Variants in ABCB9 observed in about 807,000 individuals in gnomAD.
ABCB9 encodes ATP binding cassette subfamily B member 9.
In ABCB9, 36 loss-of-function variants were observed where a neutral mutation model predicts 62.0. The ratio of observed to expected loss-of-function variants is 0.58; its 90% CI spans 0.45 to 0.77. The LOEUF is 0.77. Ranked by LOEUF, ABCB9 falls within the 30% of genes least tolerant of loss-of-function variation. The pLI is 0.00. For synonymous variants in ABCB9, 435 were observed against 461.4 expected, an observed-to-expected ratio of 0.94 and a Z score of 0.73; for missense variants, 943 against 1,054.7, an observed-to-expected ratio of 0.89 and a Z score of 1.47.
intron 2 of ABCB9, among the ~76,000 whole-genome samples, chr12:122,958,124 C>T (rs1306588865): frequency 1.4e-5 from 2 of 140,014 alleles, no homozygotes; most frequent in Non-Finnish European, 3.0e-5. Context: ...GAGCCAAGAT[C>T]GCACCACTGC....
rs2036771988 is a variant in ABCB9, at chr12:122,959,410, T to C, written c.601+225A>G. On this transcript the variant is annotated intron_variant, in intron 2 of 11. Transcript: ENST00000280560. This position sits in a 1 kb window ranked among gnomAD's most constrained non-coding sequence, Gnocchi z 5.4. ...AAATAAAATAGAAATGGGTTCTCGC[T>C]ATGTTGCCCAGGCTGGTTTTCAACT... Among the ~76,000 whole-genome samples, 1 of 151,498 alleles carries C rather than the reference T, an allele frequency of 6.6e-6. No individual in the cohort carries two copies. The highest frequency in any genetic ancestry group is 1.5e-5 in the Non-Finnish European group (1 of 67,850).
intron 1 of ABCB9, among the ~76,000 whole-genome samples, chr12:122,963,106 T>C (rs1024653603): frequency 3.9e-5 from 6 of 152,178 alleles, no homozygotes; most frequent in Admixed American, 3.9e-4. Context: ...GATTCCAGCC[T>C]GGGCAACATG....
chr12:122,949,044 G>A (rs537164542), intron 4 of ABCB9: 21 of 449,648 alleles, frequency 4.7e-5, no homozygotes, highest in African/African-American at 3.4e-4. Flanking sequence ...ATGACATCCC[G>A]CTGTACAGCG....
chr12:122,957,059 T>C (rs1566189908), intron 2 of ABCB9, among the ~76,000 whole-genome samples: 4 of 151,690 alleles, frequency 2.6e-5, no homozygotes, highest in African/African-American at 4.9e-5. Context: ...TTTTCTTTGG[T>C]AGAGACAGGT....
chr12:122,945,738 C>T (rs911605139), intron 6 of ABCB9, among the ~76,000 whole-genome samples: 4 of 152,042 alleles, frequency 2.6e-5, no homozygotes, highest in Non-Finnish European at 5.9e-5. Flanking sequence ...ATTAGCCAGG[C>T]ATGGTGGCGG....
In ABCB9 at chr12:122,959,662, A is replaced by G. The variant is rs774327926; in HGVS notation, c.574T>C (p.Ser192Pro). 1.9e-6 allele frequency: 3 copies of G among 1,573,030 alleles called. No individual in the cohort carries two copies. Among genetic ancestry groups the G allele is most frequent in the Non-Finnish European group, 2.6e-6 (3 of 1,154,602 alleles). ...AGAGCTGCCACGATGAGGAAGAAGG[A>G]GGCGGCCACGAGGAAGGCCACGTCG... Reference protein sequence around the residue: ...KPDVAFLVAASFFLIVAALGE... With the variant: ...KPDVAFLVAAPFFLIVAALGE... The change falls in exon 2 of 12, where the codon TCC (serine) becomes CCC (proline). Residue 192 changes from serine to proline, a missense_variant. Coordinates refer to ENST00000280560, the MANE Select transcript of ABCB9 (RefSeq NM_019625.4). The surrounding 1 kb of genome is among the most constrained non-coding windows in gnomAD (Gnocchi z 5.4).
At position 122,940,916 on chromosome 12, in the gene ABCB9, G is replaced by A. The variant is rs757927089; in HGVS notation, c.1460C>T (p.Pro487Leu). 14 of 1,612,198 alleles carry A rather than the reference G, an allele frequency of 8.7e-6. No individual in the cohort carries two copies. Among genetic ancestry groups the A allele is most frequent in the East Asian group, 4.5e-5 (2 of 44,824 alleles). ...CAAGCTGCCATCGTGCACCATGGTC[G>A]GCTGCCGGTCGATGAACTCGAACAC... The part of the protein sequence containing the change: ...EKVFEFIDRQ[P>L]TMVHDGSLAP... The change falls in exon 8 of 12, where the codon CCG (proline) becomes CTG (leucine). Residue 487 changes from proline (P) to leucine (L), a missense_variant. Transcript: ENST00000280560. The surrounding 1 kb of genome is among the most constrained non-coding windows in gnomAD (Gnocchi z 4.8).
At position 122,963,534 on chromosome 12, in the gene ABCB9, T is replaced by C. The variant is rs569972601; in HGVS notation, c.-88+2753A>G. ...AACAGAGAGATTAAGTGACCTGCCC[T>C]GGGTCACAGAGCTAGGTGACCCACA... On this transcript the variant is annotated intron_variant, in intron 1 of 11. Transcript: ENST00000280560. 4.6e-5 allele frequency among the ~76,000 whole-genome samples: 7 copies of C among 152,240 alleles called. No individual in the cohort carries two copies. The South Asian group carries it at 1.2e-3, about 27-fold the overall frequency.
rs1171691140 is a variant in ABCB9, at chr12:122,947,430, G to C, written c.1053+1194C>G. ...GGCTTCCTTTGCTACCCTGGTCTCA[G>C]GTCACCAACACCAAAGGCTCCAATG... On this transcript the variant is annotated intron_variant, in intron 5 of 11. Coordinates refer to ENST00000280560, the MANE Select transcript of ABCB9 (RefSeq NM_019625.4). This position sits in a 1 kb window ranked among gnomAD's most constrained non-coding sequence, Gnocchi z 6.0. 9.0e-6 allele frequency: 4 copies of C among 445,562 alleles called. No homozygotes were observed. The highest frequency in any genetic ancestry group is 1.8e-5 in the Non-Finnish European group (4 of 220,918). The allele number at this position is 445,562 out of a possible 1,614,324, so 27.6% of individuals were successfully genotyped here. A position where few individuals can be genotyped will look rare whatever the true frequency, so the allele number is the denominator to read the frequency against.
At position 122,949,874 on chromosome 12, in the gene ABCB9, A is replaced by T; in HGVS notation, c.761T>A (p.Phe254Tyr). 3 of 1,614,178 alleles carry T rather than the reference A, an allele frequency of 1.9e-6. No homozygotes were observed. The highest frequency in any genetic ancestry group is 2.5e-6 in the Non-Finnish European group (3 of 1,180,004). ...GIRGGIFTLI[F>Y]ARLNIRLRNC... ...TCGAAGGCGAATGTTCAGTCTGGCAAATATGAGGGTAAAAATGCCGCCCCG... is the reference window on the plus strand; with the variant it reads ...TCGAAGGCGAATGTTCAGTCTGGCATATATGAGGGTAAAAATGCCGCCCCG... The change falls in exon 4 of 12, where the codon TTT becomes TAT. Residue 254 changes from phenylalanine to tyrosine, a missense_variant. Coordinates refer to ENST00000280560, the MANE Select transcript of ABCB9 (RefSeq NM_019625.4).
chr12:122,945,966 TC>T, intron 6 of ABCB9, 58 bp downstream of exon 6: 1 of 1,563,884 alleles, frequency 6.4e-7, no homozygotes, highest in Non-Finnish European at 8.7e-7. Flanking sequence ...ATCGAGGGCT[TC>T]CCCCATCTTT....
In ABCB9 at chr12:122,932,335, G is replaced by A. The variant is rs753965687; in HGVS notation, c.1904-7C>T. 6.5e-7 allele frequency: 1 copy of A among 1,548,546 alleles called. No individual in the cohort carries two copies. Among genetic ancestry groups the A allele is most frequent in the Non-Finnish European group, 8.7e-7 (1 of 1,145,172 alleles). On this transcript the variant is annotated splice_polypyrimidine_tract_variant and splice_region_variant and intron_variant, in intron 10 of 11. Transcript: ENST00000280560. This position sits in a 1 kb window ranked among gnomAD's most constrained non-coding sequence, Gnocchi z 4.7. ...GCGCCCTTCTCCCCTGTCTCTGTAT[G>A]GTGGAGGCACAGAGACAATTTAGCA... is the stretch of plus-strand genomic sequence containing the variant.
chr12:122,948,404 G>T, intron 5 of ABCB9: 1 of 467,202 alleles, frequency 2.1e-6, no homozygotes, highest in Non-Finnish European at 3.8e-6. Flanking sequence ...TTCCAGGAAG[G>T]CAGGGGCCTT....
intron 2 of ABCB9, among the ~76,000 whole-genome samples, chr12:122,954,723 C>T (rs1400436436): frequency 2.6e-5 from 4 of 152,182 alleles, no homozygotes; most frequent in African/African-American, 9.7e-5. Flanking sequence ...GAACTCCTGA[C>T]CTCAAGTGAT....
rs769695710 is a variant in ABCB9, at chr12:122,959,895, G to A, written c.341C>T (p.Pro114Leu). 2.0e-5 allele frequency: 32 copies of A among 1,613,400 alleles called. No individual in the cohort carries two copies. The highest frequency in any genetic ancestry group is 2.7e-5 in the Non-Finnish European group (32 of 1,179,924). ...FSEVRRPIRD[P>L]WFWALFVWTY... ...CCACACGAACAGGGCCCAAAACCAGGGGTCCCGGATGGGCCTGCGCACCTC... is the reference window on the plus strand; with the variant it reads ...CCACACGAACAGGGCCCAAAACCAGAGGTCCCGGATGGGCCTGCGCACCTC... The change falls in exon 2 of 12, where the codon CCC (proline) becomes CTC (leucine). Residue 114 changes from proline (P) to leucine (L), a missense_variant. By Grantham distance (98) the Pro-to-Leu change is moderately conservative (BLOSUM62 -3). Transcript: ENST00000280560. This position sits in a 1 kb window ranked among gnomAD's most constrained non-coding sequence, Gnocchi z 5.4.
intron 6 of ABCB9, among the ~76,000 whole-genome samples, 155 bp downstream of exon 6, chr12:122,945,868 GCT>G (rs2036012903): frequency 7.3e-6 from 1 of 137,042 alleles, no homozygotes; most frequent in South Asian, 2.2e-4. Flanking sequence ...ACAGAGTGAG[GCT>G]CTGTCTCAAA....
chr12:122,959,488 G>C lies in ABCB9; in HGVS notation c.601+147C>G. On this transcript the variant is annotated intron_variant, in intron 2 of 11. Transcript: ENST00000280560. The surrounding 1 kb of genome is among the most constrained non-coding windows in gnomAD (Gnocchi z 5.4). ...AGCCTCCCAAAGTGCTGGGATTATA[G>C]ATATGAGCCACTATGCCTGGCCTCT... 7.5e-7 allele frequency: 1 copy of C among 1,342,060 alleles called. No individual in the cohort carries two copies. Among genetic ancestry groups the C allele is most frequent in the African/African-American group, 1.5e-5 (1 of 68,470 alleles). The allele number at this position is 1,342,060 out of a possible 1,614,324, so 83.1% of individuals were successfully genotyped here.
Position 122,948,395 on chromosome 12 carries a change from T to A in ABCB9, c.1053+229A>T, listed in dbSNP as rs573963239. The A allele has an allele frequency of 8.0e-5, 36 of 451,732 alleles. 1 individual carries two copies. In the East Asian group the frequency reaches 9.3e-4, roughly 12 times the overall value. 28.0% of individuals were successfully genotyped at this position (451,732 alleles called of 1,614,324 possible). ...TCTGTCTCTGACACTAGATACAAGTTCCAGGAAGGCAGGGGCCTTGTCTTT... is the reference window on the plus strand; with the variant it reads ...TCTGTCTCTGACACTAGATACAAGTACCAGGAAGGCAGGGGCCTTGTCTTT... On this transcript the variant is annotated intron_variant, in intron 5 of 11. Transcript: ENST00000280560.
exon 12 of ABCB9, chr12:122,920,968 T>C (rs1284964572): frequency 1.3e-6 from 2 of 1,513,648 alleles, no homozygotes; most frequent in East Asian, 2.5e-5. Context: ...TGAAAATGTT[T>C]TATACCTGAA....
Sources: gnomAD v4.1 joint callset for allele counts (sites outside exome capture counted in the v4.1 genomes callset) on GRCh38, gnomAD v4.1.1 for gene constraint, Gnocchi (gnomAD v3.1) non-coding constraint, MANE v1.5 for transcripts, NCBI Gene and HGNC (gene_info 2026-07-23, HGNC 2026-07-21) for gene names.